The following RBFOX1 variants were observed in gnomAD, a reference collection of about 807,000 sequenced individuals.
RBFOX1 encodes the protein RNA binding protein fox-1 homolog 1.
Under a neutral mutation model 57.7 loss-of-function variants are expected in RBFOX1, and 8 were observed. The ratio of observed to expected loss-of-function variants is 0.14; its 90% CI spans 0.08 to 0.25. RBFOX1 has a LOEUF of 0.25. RBFOX1 is among the 10% of genes least tolerant of loss of function. The pLI is 1.00. For synonymous variants in RBFOX1, 326 were observed against 222.4 expected, an observed-to-expected ratio of 1.47 and a Z score of -4.15; for missense variants, 611 against 548.5, an observed-to-expected ratio of 1.11 and a Z score of -1.14.
chr16:7,095,788 C>G (rs573415701), intron 4 of RBFOX1, among the ~76,000 whole-genome samples: 2 of 151,770 alleles, frequency 1.3e-5, no homozygotes, highest in East Asian at 1.9e-4. Context: ...TTCGGGAGAC[C>G]GATCATGAGG....
intron 4 of RBFOX1, among the ~76,000 whole-genome samples, chr16:7,196,420 A>G (rs1378551897): frequency 6.6e-6 from 1 of 152,154 alleles, no homozygotes; most frequent in African/African-American, 2.4e-5. Flanking sequence ...CAAAATCAAG[A>G]AACATCTTTC....
At chr16:7,709,250 C>T (rs2083474279) in intron 15 of RBFOX1, 119 bp downstream of exon 15, 8 of 1,052,242 alleles carry the variant, frequency 7.6e-6, no homozygotes, top group South Asian at 1.6e-5. Context: ...GTCTCTTGTG[C>T]TAACAGCAGC....
intron 4 of RBFOX1, among the ~76,000 whole-genome samples, chr16:7,115,941 C>T (rs17737130): frequency 7.2e-5 from 11 of 151,990 alleles, no homozygotes; most frequent in African/African-American, 2.2e-4. Flanking sequence ...TTGGGGGCTT[C>T]ATATTGTATC....
At chr16:6,995,679 G>C (rs549578937) in intron 3 of RBFOX1, among the ~76,000 whole-genome samples, 1 of 152,052 alleles carries the variant, frequency 6.6e-6, no homozygotes, top group African/African-American at 2.4e-5. Flanking sequence ...AGAATCACTT[G>C]AACCTGGGAG....
At chr16:7,705,753 A>T (rs1324819591) in intron 14 of RBFOX1, among the ~76,000 whole-genome samples, 1 of 152,084 alleles carries the variant, frequency 6.6e-6, no homozygotes, top group Admixed American at 6.6e-5. Flanking sequence ...GCAAGAGTTG[A>T]AAAAATGAGA....
At chr16:6,621,779 G>C (rs1567921648) in intron 2 of RBFOX1, among the ~76,000 whole-genome samples, 1 of 152,152 alleles carries the variant, frequency 6.6e-6, no homozygotes, top group Non-Finnish European at 1.5e-5. Flanking sequence ...CAGCTAGAAG[G>C]ACATGTGGCA....
intron 2 of RBFOX1, among the ~76,000 whole-genome samples, chr16:6,362,296 C>T (rs530651756): frequency 1.3e-5 from 2 of 152,130 alleles, no homozygotes; most frequent in Non-Finnish European, 2.9e-5. Flanking sequence ...TCTTCACCTT[C>T]ATTTGCCTAA....
At chr16:7,219,106 C>T (rs1162252387) in intron 4 of RBFOX1, among the ~76,000 whole-genome samples, 1 of 152,166 alleles carries the variant, frequency 6.6e-6, no homozygotes, top group African/African-American at 2.4e-5. Flanking sequence ...CCCGTCATTG[C>T]AGGCAGCTGA....
chr16:6,708,093 G>T (rs2063085335), intron 3 of RBFOX1, among the ~76,000 whole-genome samples: 1 of 152,160 alleles, frequency 6.6e-6, no homozygotes, highest in East Asian at 1.9e-4. Flanking sequence ...AGAAGCCACA[G>T]TGAACAGTTG....
chr16:6,441,909 G>A (rs941611599), intron 2 of RBFOX1, among the ~76,000 whole-genome samples: 12 of 152,288 alleles, frequency 7.9e-5, no homozygotes, highest in African/African-American at 2.6e-4. Context: ...AGTGGTCAGC[G>A]TGGCGGGAGG....
At chr16:5,477,383 T>G (rs2069365162) in intron 2 of RBFOX1, among the ~76,000 whole-genome samples, 1 of 152,170 alleles carries the variant, frequency 6.6e-6, no homozygotes, top group African/African-American at 2.4e-5. Context: ...TGATTATGAT[T>G]ATCTCACGAC....
At chr16:6,806,987 C>T (rs1391719138) in intron 3 of RBFOX1, among the ~76,000 whole-genome samples, 3 of 151,408 alleles carry the variant, frequency 2.0e-5, no homozygotes, top group Non-Finnish European at 4.4e-5. Context: ...GCACGTCTCA[C>T]CACGTCCAGC....
chr16:6,547,759 C>G (rs1237433721), intron 2 of RBFOX1, among the ~76,000 whole-genome samples: 1 of 151,730 alleles, frequency 6.6e-6, no homozygotes, highest in Non-Finnish European at 1.5e-5. Context: ...AGGGGTCCTT[C>G]CTGGTCATGT....
At chr16:6,588,240 AAAAG>A (rs1266804761) in intron 2 of RBFOX1, among the ~76,000 whole-genome samples, 5 of 152,008 alleles carry the variant, frequency 3.3e-5, no homozygotes, top group Non-Finnish European at 5.9e-5. Context: ...GGGAAAAAAA[AAAAG>A]AAAGGCAGTT....
At chr16:5,291,298 T>C (rs1156412334) in intron 1 of RBFOX1, among the ~76,000 whole-genome samples, 6 of 139,722 alleles carry the variant, frequency 4.3e-5, no homozygotes, top group Admixed American at 1.5e-4. Flanking sequence ...AGTCTCACTC[T>C]GTCACCCAGG....
intron 1 of RBFOX1, among the ~76,000 whole-genome samples, chr16:6,062,462 T>C (rs1488943576): frequency 6.6e-6 from 1 of 152,024 alleles, no homozygotes; most frequent in Non-Finnish European, 1.5e-5. Context: ...GAGATCCCAA[T>C]GGTTTTAGAA....
intron 3 of RBFOX1, among the ~76,000 whole-genome samples, chr16:5,709,902 G>C (rs371230344): frequency 8.5e-6 from 1 of 118,252 alleles, no homozygotes; most frequent in Non-Finnish European, 1.7e-5. Context: ...TCTTCACAAC[G>C]GCCCCGTGAA....
intron 3 of RBFOX1, among the ~76,000 whole-genome samples, chr16:6,971,657 C>G (rs993869868): frequency 3.3e-5 from 5 of 151,984 alleles, no homozygotes; most frequent in Non-Finnish European, 5.9e-5. Context: ...AATTAGGAAG[C>G]CATTGCAATA....
chr16:6,195,486 G>C (rs918215018), intron 1 of RBFOX1, among the ~76,000 whole-genome samples: 2 of 152,184 alleles, frequency 1.3e-5, no homozygotes, highest in African/African-American at 2.4e-5. Context: ...GAGAGGCCAA[G>C]GCGGGCCAAT....
Sources: gnomAD v4.1 joint callset for allele counts (sites outside exome capture counted in the v4.1 genomes callset) on GRCh38, gnomAD v4.1.1 for gene constraint, MANE v1.5 for transcripts, NCBI Gene and HGNC (gene_info 2026-07-23, HGNC 2026-07-21) for gene names.